CLEC16A: variants seen among roughly 807,000 people sequenced by gnomAD.
The protein encoded by CLEC16A is C-type lectin domain containing 16A, also known as protein CLEC16A.
A neutral mutation model predicts 109.5 loss-of-function variants in CLEC16A; 51 were observed. The observed-to-expected ratio is 0.47, with a 90% CI of 0.37 to 0.59. The LOEUF is 0.59. CLEC16A is among the 20% of genes least tolerant of loss of function. The pLI is 0.00. For missense variants in CLEC16A, 1,339 were observed against 1,394.0 expected, an observed-to-expected ratio of 0.96 and a Z score of 0.63; for synonymous variants, 673 against 564.2, an observed-to-expected ratio of 1.19 and a Z score of -2.73.
intron 1 of CLEC16A, among the ~76,000 whole-genome samples, chr16:10,950,044 A>G (rs1236518394): frequency 6.6e-6 from 1 of 152,304 alleles, no homozygotes; most frequent in South Asian, 2.1e-4. Context: ...GCCTGTTCAC[A>G]CTGTCCCACA....
chr16:11,006,111 G>C (rs17804470), intron 11 of CLEC16A, among the ~76,000 whole-genome samples: 62,061 of 151,984 alleles, frequency 0.41, 12,773 homozygotes, highest in Middle Eastern at 0.47. Context: ...CGCTCACATC[G>C]TCCCAGCTTG....
intron 22 of CLEC16A, among the ~76,000 whole-genome samples, chr16:11,148,249 A>G (rs897332743): frequency 1.3e-5 from 2 of 152,168 alleles, no homozygotes; most frequent in Non-Finnish European, 2.9e-5. Flanking sequence ...GTGCTGCTAG[A>G]TGGTATGCCG....
intron 10 of CLEC16A, among the ~76,000 whole-genome samples, chr16:10,989,843 C>T (rs865780170): frequency 3.3e-5 from 5 of 152,206 alleles, no homozygotes; most frequent in Non-Finnish European, 4.4e-5. Context: ...GAGCATTAAT[C>T]GTTGACTTAG....
At chr16:11,003,889 T>G (rs1442296898) in intron 11 of CLEC16A, among the ~76,000 whole-genome samples, 1 of 151,586 alleles carries the variant, frequency 6.6e-6, no homozygotes, top group African/African-American at 2.4e-5. Flanking sequence ...ATCCCAGCAC[T>G]TTGGGAAGCC....
Position 11,178,298 on chromosome 16 carries a change from G to T in CLEC16A, c.2807-37G>T. The T allele has an allele frequency of 6.4e-7, 1 of 1,555,650 alleles. No homozygotes were observed. The highest frequency in any genetic ancestry group is 8.8e-7 in the Non-Finnish European group (1 of 1,138,224). ...GCGCAGTGCGACGGGGTGTCTCAAG[G>T]GCTCAGTGTGTTTCCGGTTTTTCTC... is the stretch of plus-strand genomic sequence containing the variant. On this transcript the variant is annotated intron_variant, in intron 23 of 23. Coordinates refer to ENST00000409790, the MANE Select transcript of CLEC16A (RefSeq NM_015226.3). The surrounding 1 kb of genome is among the most constrained non-coding windows in gnomAD (Gnocchi z 6.5).
At chr16:10,994,506 T>G (rs1327832580) in intron 10 of CLEC16A, among the ~76,000 whole-genome samples, 2 of 152,172 alleles carry the variant, frequency 1.3e-5, no homozygotes, top group African/African-American at 4.8e-5. Flanking sequence ...TGCTGTTGGT[T>G]ACAGTGGGTG....
intron 5 of CLEC16A, among the ~76,000 whole-genome samples, chr16:10,972,197 T>C (rs898336544): frequency 1.3e-5 from 2 of 152,216 alleles, no homozygotes; most frequent in African/African-American, 4.8e-5. Flanking sequence ...ACCTTGAAGA[T>C]GTAGATTTGG....
At chr16:11,120,976 C>G (rs1006612401) in intron 20 of CLEC16A, among the ~76,000 whole-genome samples, 1 of 152,166 alleles carries the variant, frequency 6.6e-6, no homozygotes, top group African/African-American at 2.4e-5. Context: ...GACCAAAACG[C>G]TCGATTCTTA....
intron 10 of CLEC16A, among the ~76,000 whole-genome samples, chr16:10,999,707 C>G (rs2044549621): frequency 6.6e-6 from 1 of 152,092 alleles, no homozygotes; most frequent in South Asian, 2.1e-4. Flanking sequence ...AAGTAGATCC[C>G]TTTGGAAAGT....
chr16:11,032,189 C>G (rs1309363390), intron 13 of CLEC16A, among the ~76,000 whole-genome samples: 4 of 152,226 alleles, frequency 2.6e-5, no homozygotes, highest in African/African-American at 7.2e-5. Flanking sequence ...TGTGGCATAT[C>G]CATCAGATCA....
intron 11 of CLEC16A, among the ~76,000 whole-genome samples, chr16:11,019,319 A>G (rs1322116320): frequency 6.6e-6 from 1 of 152,208 alleles, no homozygotes; most frequent in African/African-American, 2.4e-5. Context: ...TCTGAAAAAT[A>G]AAAATGCACA....
chr16:10,955,881 G>A (rs2041961002), intron 1 of CLEC16A, among the ~76,000 whole-genome samples: 1 of 152,200 alleles, frequency 6.6e-6, no homozygotes, highest in African/African-American at 2.4e-5. Flanking sequence ...ACTTCAGTGG[G>A]ATTGGGGCCC....
At chr16:11,154,491 T>A (rs2054426523) in intron 22 of CLEC16A, among the ~76,000 whole-genome samples, 1 of 152,256 alleles carries the variant, frequency 6.6e-6, no homozygotes, top group South Asian at 2.1e-4. Flanking sequence ...CTCTCTCATG[T>A]CTCACTTTGT....
chr16:11,109,440 C>CCTGTA (rs1367800535), intron 19 of CLEC16A, among the ~76,000 whole-genome samples: 35 of 152,260 alleles, frequency 2.3e-4, no homozygotes, highest in African/African-American at 7.9e-4. Context: ...AGGTATGAGC[C>CCTGTA]ACCTCACTCA....
chr16:10,985,653 C>T (rs752343490), intron 10 of CLEC16A, among the ~76,000 whole-genome samples: 3 of 151,856 alleles, frequency 2.0e-5, no homozygotes, highest in African/African-American at 7.3e-5. Flanking sequence ...TGAAGCTAGA[C>T]TTGTCGTTCT....
chr16:11,081,395 C>T (rs560236677), intron 19 of CLEC16A, among the ~76,000 whole-genome samples: 229 of 152,310 alleles, frequency 1.5e-3, no homozygotes, highest in African/African-American at 5.3e-3. Flanking sequence ...GTCCTGGGCA[C>T]CCAGCCACAT....
intron 19 of CLEC16A, among the ~76,000 whole-genome samples, chr16:11,085,868 A>C (rs1007864284): frequency 6.6e-6 from 1 of 152,196 alleles, no homozygotes; most frequent in Admixed American, 6.5e-5. Context: ...CTGGGATTAC[A>C]GGCGTGAGCC....
At chr16:11,171,510 A>G (rs887390504) in intron 23 of CLEC16A, among the ~76,000 whole-genome samples, 1 of 152,222 alleles carries the variant, frequency 6.6e-6, no homozygotes, top group Admixed American at 6.5e-5. Context: ...CGAAGTGTCC[A>G]GGAGCCAGGC....
At chr16:10,989,970 A>T (rs1284093425) in intron 10 of CLEC16A, among the ~76,000 whole-genome samples, 1 of 152,206 alleles carries the variant, frequency 6.6e-6, no homozygotes, top group Admixed American at 6.5e-5. Context: ...GGCCAGGATT[A>T]GAGTTCCTGA....
Sources: allele counts gnomAD v4.1 joint callset (sites outside exome capture counted in the v4.1 genomes callset), GRCh38; gene constraint gnomAD v4.1.1; non-coding constraint Gnocchi (gnomAD v3.1); transcripts MANE v1.5; gene names NCBI Gene and HGNC (gene_info 2026-07-23, HGNC 2026-07-21).